Variants in SATL1 observed in about 807,000 individuals in gnomAD.
SATL1 encodes spermidine/spermine N(1)-acetyltransferase-like protein 1.
Under a neutral mutation model 51.8 loss-of-function variants are expected in SATL1, and 47 were observed. That is an observed-to-expected ratio of 0.91 (90% CI 0.72 to 1.16). The LOEUF is 1.16. Ranked by LOEUF, SATL1 falls within the 50% of genes most tolerant of loss-of-function variation. The pLI is 0.00. For synonymous variants in SATL1, 176 were observed against 182.4 expected, an observed-to-expected ratio of 0.97 and a Z score of 0.28; for missense variants, 520 against 526.4, an observed-to-expected ratio of 0.99 and a Z score of 0.12.
At chrX:85,126,548 C>A (rs757186121) in intron 2 of SATL1, among the ~76,000 whole-genome samples, 3 of 111,150 alleles carry the variant, frequency 2.7e-5, no homozygotes, top group Non-Finnish European at 3.8e-5. Flanking sequence ...CTGCCGCTTT[C>A]GGTATAATGA....
chrX:85,135,574 T>TTGTG (rs754342501), intron 2 of SATL1, among the ~76,000 whole-genome samples: 2 of 105,457 alleles, frequency 1.9e-5, no homozygotes, highest in Admixed American at 2.0e-4. Flanking sequence ...GAGATAAATC[T>TTGTG]TGTGTGTGTG....
chrX:85,204,119 T>G (rs1373754071), intron 2 of SATL1, among the ~76,000 whole-genome samples: 1 of 111,646 alleles, frequency 9.0e-6, no homozygotes, highest in Non-Finnish European at 1.9e-5. Context: ...ATCTCCTGAC[T>G]TAAGGGTTGC....
intron 2 of SATL1, among the ~76,000 whole-genome samples, chrX:85,159,278 C>T (rs755592280): frequency 3.1e-3 from 351 of 111,719 alleles, no homozygotes; most frequent in Middle Eastern, 9.3e-3. Context: ...TTTTAGACAA[C>T]GAGTTATATA....
At chrX:85,128,049 A>T (rs1003381787) in intron 2 of SATL1, among the ~76,000 whole-genome samples, 1 of 111,670 alleles carries the variant, frequency 9.0e-6, no homozygotes, top group East Asian at 2.8e-4. Context: ...TCTATCATTG[A>T]TGGACATTAG....
chrX:85,190,213 C>G (rs1295723910), intron 2 of SATL1, among the ~76,000 whole-genome samples: 1 of 111,806 alleles, frequency 8.9e-6, no homozygotes, highest in African/African-American at 3.2e-5. Context: ...CGTTTTTCCT[C>G]TAATAAAATT....
intron 2 of SATL1, among the ~76,000 whole-genome samples, chrX:85,147,781 A>T (rs2147718430): frequency 8.9e-6 from 1 of 112,099 alleles, no homozygotes; most frequent in South Asian, 3.7e-4. Context: ...TAGAAGGGAA[A>T]CTAACAAACA....
intron 5 of SATL1, 62 bp from the exon 6 acceptor site, chrX:85,094,291 C>A: frequency 1.7e-6 from 1 of 604,964 alleles, no homozygotes; most frequent in South Asian, 2.6e-5. Flanking sequence ...TCTTTACCCC[C>A]AAATTGAATG....
At chrX:85,141,602 G>T (rs188312444) in intron 2 of SATL1, among the ~76,000 whole-genome samples, 21 of 111,632 alleles carry the variant, frequency 1.9e-4, no homozygotes, top group Admixed American at 3.8e-4. Flanking sequence ...TGGTTTAATA[G>T]AAAGAAGTAT....
At chrX:85,241,280 A>G (rs953236035) in intron 1 of SATL1, among the ~76,000 whole-genome samples, 1 of 110,494 alleles carries the variant, frequency 9.1e-6, no homozygotes, top group East Asian at 2.8e-4. Context: ...ACTGGAGAGG[A>G]GAGAGAAGGA....
chrX:85,193,492 T>G (rs1433068995), intron 2 of SATL1, among the ~76,000 whole-genome samples: 1 of 111,851 alleles, frequency 8.9e-6, no homozygotes, highest in Admixed American at 9.5e-5. Flanking sequence ...ATCTAGAGCA[T>G]AGGGGGCACA....
intron 2 of SATL1, among the ~76,000 whole-genome samples, chrX:85,163,306 T>C (rs1177403759): frequency 9.0e-6 from 1 of 110,650 alleles, no homozygotes; most frequent in East Asian, 2.8e-4. Context: ...TCTGCTGGGT[T>C]TGGGTGTAAT....
At chrX:85,092,994 T>G in intron 7 of SATL1, 191 bp downstream of exon 7, 1 of 391,095 alleles carries the variant, frequency 2.6e-6, no homozygotes, top group African/African-American at 2.5e-5. Flanking sequence ...ATAAATCAAT[T>G]TTAATTGACT....
At chrX:85,100,620 C>T (rs1443127654) in intron 4 of SATL1, among the ~76,000 whole-genome samples, 1 of 111,732 alleles carries the variant, frequency 8.9e-6, no homozygotes, top group Non-Finnish European at 1.9e-5. Context: ...GGTAGGATGC[C>T]AATACTATTC....
intron 2 of SATL1, among the ~76,000 whole-genome samples, chrX:85,195,466 AAAG>A (rs1217053616): frequency 1.8e-5 from 2 of 111,708 alleles, no homozygotes; most frequent in East Asian, 2.8e-4. Flanking sequence ...TGGGACTCAA[AAAG>A]AAGGACACAT....
At chrX:85,159,159 G>T (rs991804970) in intron 2 of SATL1, among the ~76,000 whole-genome samples, 18 of 111,752 alleles carry the variant, frequency 1.6e-4, no homozygotes, top group African/African-American at 5.2e-4. Context: ...ATAAGTATAA[G>T]ATTAACTCCA....
At position 85,218,151 on chromosome X, in the gene SATL1, C is replaced by A. The variant is rs188016191; in HGVS notation, c.-313+6054G>T. On this transcript the variant is annotated intron_variant, in intron 2 of 7. Coordinates refer to ENST00000644105, the MANE Select transcript of SATL1 (RefSeq NM_001367857.2). ...TAGAAGGGAGAAGATAAAAAAAAAA[C>A]CCCACCAATTGGGTACTATGCTTAT... Among the ~76,000 whole-genome samples, 486 of 101,793 alleles carry A rather than the reference C, an allele frequency of 4.8e-3. 3 individuals carry two copies. Among genetic ancestry groups the A allele is most frequent in the African/African-American group, 0.014 (366 of 26,999 alleles). The allele number at this position is 101,793 out of a possible 115,157, so 88.4% of individuals were successfully genotyped here. A position where few individuals can be genotyped will look rare whatever the true frequency, so the allele number is the denominator to read the frequency against.
chrX:85,187,438 A>C (rs1227822775), intron 2 of SATL1, among the ~76,000 whole-genome samples: 1 of 111,618 alleles, frequency 9.0e-6, no homozygotes, highest in Admixed American at 9.6e-5. Flanking sequence ...GTTTTTCACC[A>C]TTCTGAGCAG....
At chrX:85,227,059 T>C (rs1231700421) in intron 1 of SATL1, among the ~76,000 whole-genome samples, 2 of 111,397 alleles carry the variant, frequency 1.8e-5, no homozygotes, top group Non-Finnish European at 1.9e-5. Flanking sequence ...GTCCTTTCCC[T>C]ACTTTAACCT....
At chrX:85,217,580 A>G (rs1233518431) in intron 2 of SATL1, among the ~76,000 whole-genome samples, 1 of 111,888 alleles carries the variant, frequency 8.9e-6, no homozygotes, top group African/African-American at 3.2e-5. Flanking sequence ...CTTTTCCCCA[A>G]CAAAGCTCTC....
Sources: gnomAD v4.1 joint callset for allele counts (sites outside exome capture counted in the v4.1 genomes callset) on GRCh38, gnomAD v4.1.1 for gene constraint, MANE v1.5 for transcripts, NCBI Gene and HGNC (gene_info 2026-07-23, HGNC 2026-07-21) for gene names.